The following GALNTL6 variants were observed in gnomAD, a reference collection of about 807,000 sequenced individuals.
GALNTL6 encodes the protein polypeptide N-acetylgalactosaminyltransferase like 6, also known as polypeptide N-acetylgalactosaminyltransferase-like 6.
Under a neutral mutation model 73.7 loss-of-function variants are expected in GALNTL6, and 46 were observed. The ratio of observed to expected loss-of-function variants is 0.62; its 90% confidence interval spans 0.49 to 0.80. The LOEUF is 0.80. Ranked by LOEUF, GALNTL6 falls within the 30% of genes least tolerant of loss-of-function variation. GALNTL6 has a pLI of 0.00. For synonymous variants in GALNTL6, 259 were observed against 263.7 expected (o/e 0.98, Z 0.17); for missense variants, 604 against 755.0 (o/e 0.80, Z 2.34).
intron 3 of GALNTL6, among the ~76,000 whole-genome samples, chr4:172,281,166 G>A (rs186872920): frequency 3.4e-4 from 51 of 152,000 alleles, no homozygotes; most frequent in African/African-American, 9.6e-4. Context: ...GTGAGACTCC[G>A]TCTCAAAAAA....
intron 2 of GALNTL6, among the ~76,000 whole-genome samples, chr4:171,915,282 G>C (rs1737586025): frequency 6.6e-6 from 1 of 152,218 alleles, no homozygotes; most frequent in South Asian, 2.1e-4. Flanking sequence ...TTAGGCCTAT[G>C]TAAATAAATG....
chr4:172,505,122 A>G (rs977348), intron 5 of GALNTL6, among the ~76,000 whole-genome samples: 52,035 of 54,150 alleles, frequency 0.96, 25,814 homozygotes, highest in Middle Eastern at 1. Flanking sequence ...TAACATGAAA[A>G]TTCTGTTAAA....
chr4:172,976,540 A>T (rs1750820301), intron 10 of GALNTL6, among the ~76,000 whole-genome samples: 1 of 152,238 alleles, frequency 6.6e-6, no homozygotes, highest in African/African-American at 2.4e-5. Context: ...CTGTACTTAA[A>T]ATTTAGTAGG....
intron 2 of GALNTL6, among the ~76,000 whole-genome samples, chr4:172,219,043 T>C (rs836308): frequency 0.99 from 148,565 of 150,646 alleles, 73,298 homozygotes; most frequent in East Asian, 1. Context: ...TTCTTAACCA[T>C]TAATTATTTT....
chr4:172,994,721 G>A (rs1409930144), intron 10 of GALNTL6, among the ~76,000 whole-genome samples: 1 of 152,164 alleles, frequency 6.6e-6, no homozygotes, highest in Non-Finnish European at 1.5e-5. Flanking sequence ...TTAGAAGACC[G>A]GCTATTACAC....
intron 8 of GALNTL6, among the ~76,000 whole-genome samples, chr4:172,906,654 G>A (rs1746910437): frequency 6.6e-6 from 1 of 152,216 alleles, no homozygotes; most frequent in African/African-American, 2.4e-5. Flanking sequence ...CTTCATGGTT[G>A]TGGGACTGAG....
chr4:172,267,222 A>C (rs1205017737), intron 3 of GALNTL6, among the ~76,000 whole-genome samples: 1 of 152,122 alleles, frequency 6.6e-6, no homozygotes, highest in Non-Finnish European at 1.5e-5. Flanking sequence ...GCTATAACAG[A>C]GCTACATATA....
At chr4:172,711,429 A>G (rs1189566385) in intron 5 of GALNTL6, among the ~76,000 whole-genome samples, 2 of 152,092 alleles carry the variant, frequency 1.3e-5, no homozygotes, top group African/African-American at 2.4e-5. Flanking sequence ...GTAAAATAGG[A>G]AAAGAAGATT....
At chr4:172,746,338 T>C (rs1737108777) in intron 5 of GALNTL6, among the ~76,000 whole-genome samples, 1 of 152,222 alleles carries the variant, frequency 6.6e-6, no homozygotes, top group South Asian at 2.1e-4. Flanking sequence ...AATTTGTTTT[T>C]ATTATTTGTC....
intron 2 of GALNTL6, among the ~76,000 whole-genome samples, chr4:172,191,649 A>T (rs1735591799): frequency 6.6e-6 from 1 of 152,186 alleles, no homozygotes; most frequent in Admixed American, 6.5e-5. Flanking sequence ...AGACTTTCAA[A>T]TTTTGGTACA....
At chr4:172,897,703 A>G (rs545829676) in intron 8 of GALNTL6, among the ~76,000 whole-genome samples, 1 of 152,298 alleles carries the variant, frequency 6.6e-6, no homozygotes, top group East Asian at 1.9e-4. Context: ...CTTGAGCTCC[A>G]TTGAGGTTTC....
chr4:173,040,447 C>G lies in GALNTL6; in HGVS notation c.*347C>G. On this transcript the variant is annotated 3_prime_UTR_variant, in exon 13 of 13. Transcript: ENST00000506823. Reference sequence around the variant, plus strand: ...AGTAGCTATGAATGGATCCTATTAACTGGGTGGGAGGGGGGTGAAAATGGA... The same window carrying G: ...AGTAGCTATGAATGGATCCTATTAAGTGGGTGGGAGGGGGGTGAAAATGGA... The G allele has an allele frequency of 4.6e-6, 1 of 215,554 alleles. No individual in the cohort carries two copies. Among genetic ancestry groups the G allele is most frequent in the South Asian group, 8.7e-5 (1 of 11,466 alleles). The allele number at this position is 215,554 out of a possible 1,614,324, so 13.4% of individuals were successfully genotyped here. A position where few individuals can be genotyped will look rare whatever the true frequency, so the allele number is the denominator to read the frequency against.
chr4:172,281,575 G>A (rs1249583732), intron 3 of GALNTL6, among the ~76,000 whole-genome samples: 1 of 152,134 alleles, frequency 6.6e-6, no homozygotes, highest in South Asian at 2.1e-4. Context: ...GCCAGGCATT[G>A]TGGTGCACGC....
intron 5 of GALNTL6, among the ~76,000 whole-genome samples, chr4:172,553,733 T>A (rs1345120848): frequency 6.6e-6 from 1 of 152,148 alleles, no homozygotes; most frequent in Non-Finnish European, 1.5e-5. Flanking sequence ...ATCTCTTATC[T>A]CCTTTCCATT....
Position 172,865,990 on chromosome 4 carries a change from A to G in GALNTL6, c.924-16800A>G, listed in dbSNP as rs540725807. 1.1e-4 allele frequency among the ~76,000 whole-genome samples: 16 copies of G among 152,246 alleles called. No homozygotes were observed. In the South Asian group the frequency reaches 3.3e-3, roughly 32 times the overall value. On this transcript the variant is annotated intron_variant, in intron 7 of 12. Coordinates refer to ENST00000506823, the MANE Select transcript of GALNTL6 (RefSeq NM_001034845.3). ...CCTTCTAAGTGAAACCACATTTTCAATCTCTCTTTTGACTTCTTGTGATCC... is the reference window on the plus strand; with the variant it reads ...CCTTCTAAGTGAAACCACATTTTCAGTCTCTCTTTTGACTTCTTGTGATCC...
chr4:172,291,814 A>G (rs9996897), intron 3 of GALNTL6, among the ~76,000 whole-genome samples: 31,961 of 151,724 alleles, frequency 0.21, 4,256 homozygotes, highest in African/African-American at 0.37. Flanking sequence ...AGGCTAAAAA[A>G]AATTCTGCCA....
chr4:172,303,980 A>G, intron 3 of GALNTL6, among the ~76,000 whole-genome samples: 1 of 152,124 alleles, frequency 6.6e-6, no homozygotes, highest in East Asian at 1.9e-4. Flanking sequence ...GGAACAAATC[A>G]CTTTGCTAAT....
At chr4:172,423,120 G>A (rs1302593617) in intron 5 of GALNTL6, among the ~76,000 whole-genome samples, 2 of 151,742 alleles carry the variant, frequency 1.3e-5, no homozygotes, top group Non-Finnish European at 2.9e-5. Flanking sequence ...ATCACTTCTT[G>A]CCACCTCTAC....
intron 10 of GALNTL6, among the ~76,000 whole-genome samples, chr4:173,002,307 T>G (rs1752077506): frequency 2.0e-5 from 3 of 151,736 alleles, no homozygotes; most frequent in Non-Finnish European, 4.4e-5. Context: ...GCGGAATCAC[T>G]TGAACCCAGG....
Sources: allele counts gnomAD v4.1 joint callset (sites outside exome capture counted in the v4.1 genomes callset), GRCh38; gene constraint gnomAD v4.1.1; transcripts MANE v1.5; gene names NCBI Gene and HGNC (gene_info 2026-07-23, HGNC 2026-07-21).